Variants in NPAS3 observed in about 807,000 individuals in gnomAD.
NPAS3 encodes neuronal PAS domain protein 3.
In NPAS3, 14 loss-of-function variants were observed where a neutral mutation model predicts 73.1. The ratio of observed to expected loss-of-function variants is 0.19; its 90% CI spans 0.13 to 0.30. NPAS3 has a LOEUF of 0.30. Among genes scored for constraint, NPAS3 ranks in the 10% least tolerant of loss-of-function variants. The pLI, the probability that NPAS3 is intolerant of heterozygous loss-of-function variation, is 1.00. For synonymous variants in NPAS3, 620 were observed against 541.5 expected (o/e 1.14, Z -2.01); for missense variants, 1,096 against 1,250.0 (o/e 0.88, Z 1.86).
intron 5 of NPAS3, among the ~76,000 whole-genome samples, chr14:33,646,879 C>T (rs2058844295): frequency 6.6e-6 from 1 of 152,010 alleles, no homozygotes; most frequent in African/African-American, 2.4e-5. Flanking sequence ...GATCCAGAAA[C>T]TCCCCCAGAG....
In NPAS3 at chr14:33,560,319, T is replaced by G. The variant is rs1262976218; in HGVS notation, c.558+109T>G. The G allele has an allele frequency of 6.8e-6, 4 of 591,244 alleles. No homozygotes were observed. In the African/African-American group the frequency reaches 7.4e-5, roughly 11 times the overall value. 36.6% of individuals were successfully genotyped at this position (591,244 alleles called of 1,614,324 possible). The stretch of plus-strand genomic sequence containing the variant: ...GTTTAGCATGAATTATCAAATGTAT[T>G]ATTTAATGGCTTTACCTGACTGTTC... On this transcript the variant is annotated intron_variant, in intron 5 of 11. Coordinates refer to ENST00000356141, the Ensembl canonical transcript of NPAS3.
intron 2 of NPAS3, among the ~76,000 whole-genome samples, chr14:33,154,642 A>G (rs2044582266): frequency 6.6e-6 from 1 of 152,228 alleles, no homozygotes; most frequent in African/African-American, 2.4e-5. Flanking sequence ...GAGATAATAA[A>G]TACTGGGAAA....
chr14:33,651,321 G>A (rs946622548), intron 5 of NPAS3, among the ~76,000 whole-genome samples: 3 of 152,128 alleles, frequency 2.0e-5, no homozygotes, highest in Admixed American at 6.5e-5. Flanking sequence ...CTGGTACCCC[G>A]ATCATACATA....
chr14:33,753,394 A>C, intron 7 of NPAS3, among the ~76,000 whole-genome samples: 1 of 151,578 alleles, frequency 6.6e-6, no homozygotes. Context: ...ACAATGTAGA[A>C]GGATTGCTCA....
chr14:33,372,665 T>C (rs1243727858), intron 4 of NPAS3, among the ~76,000 whole-genome samples: 1 of 152,004 alleles, frequency 6.6e-6, no homozygotes, highest in Non-Finnish European at 1.5e-5. Flanking sequence ...TCCAGGAGAG[T>C]TGAGGGTTCA....
At chr14:32,947,433 C>G (rs137962233) in intron 1 of NPAS3, among the ~76,000 whole-genome samples, 8 of 152,122 alleles carry the variant, frequency 5.3e-5, no homozygotes, top group African/African-American at 1.9e-4. Flanking sequence ...ATGTATTGTG[C>G]TGATGGAAGG....
At position 33,232,122 on chromosome 14, in the gene NPAS3, G is replaced by A. The variant is rs539636553; in HGVS notation, c.385+16696G>A. 2.0e-5 allele frequency among the ~76,000 whole-genome samples: 3 copies of A among 152,250 alleles called. No homozygotes were observed. The South Asian group carries it at 6.2e-4, about 32-fold the overall frequency. ...ATTGAGTGACAGTAGCAAGAAGACA[G>A]TTGCTTAGATTGCGGATCCAGCTGA... On this transcript the variant is annotated intron_variant, in intron 3 of 11. Coordinates refer to ENST00000356141, the Ensembl canonical transcript of NPAS3.
chr14:32,994,630 G>GTTTTT (rs777136450), intron 1 of NPAS3, among the ~76,000 whole-genome samples: 3,446 of 122,296 alleles, frequency 0.028, 135 homozygotes, highest in South Asian at 0.052. Context: ...TTGTTTGTTT[G>GTTTTT]TTTTTGTTTT....
At chr14:33,782,433 G>A (rs762332318) in intron 9 of NPAS3, among the ~76,000 whole-genome samples, 2 of 152,178 alleles carry the variant, frequency 1.3e-5, no homozygotes, top group African/African-American at 2.4e-5. Context: ...AGAGATGCAT[G>A]CTTTGCACTG....
chr14:33,275,302 T>G (rs979024414), intron 3 of NPAS3, among the ~76,000 whole-genome samples: 2 of 152,132 alleles, frequency 1.3e-5, no homozygotes, highest in African/African-American at 4.8e-5. Context: ...CAGCCCAATT[T>G]TAACAGTGCT....
intron 3 of NPAS3, among the ~76,000 whole-genome samples, chr14:33,233,009 A>G (rs562034651): frequency 3.3e-5 from 5 of 152,280 alleles, no homozygotes; most frequent in Non-Finnish European, 4.4e-5. Context: ...AATCACTTAT[A>G]TGCTATGGAT....
intron 5 of NPAS3, among the ~76,000 whole-genome samples, chr14:33,664,932 T>G (rs1232286207): frequency 4.5e-4 from 69 of 152,284 alleles, no homozygotes; most frequent in African/African-American, 1.6e-3. Flanking sequence ...GTTCAACCAT[T>G]GTGGAAGACA....
At chr14:33,013,831 C>G (rs2039297285) in intron 1 of NPAS3, among the ~76,000 whole-genome samples, 1 of 151,980 alleles carries the variant, frequency 6.6e-6, no homozygotes, top group African/African-American at 2.4e-5. Flanking sequence ...GTGTCAGTTA[C>G]TAGATTTGTT....
intron 3 of NPAS3, among the ~76,000 whole-genome samples, chr14:33,365,130 A>G (rs1234424254): frequency 3.5e-5 from 5 of 143,024 alleles, no homozygotes; most frequent in African/African-American, 1.3e-4. Flanking sequence ...TCTCAAAAAC[A>G]GAGTGGACAC....
intron 1 of NPAS3, among the ~76,000 whole-genome samples, chr14:32,944,326 T>A (rs1201735042): frequency 2.0e-5 from 3 of 152,250 alleles, no homozygotes; most frequent in African/African-American, 7.2e-5. Context: ...AGGTGTTTTA[T>A]AGACGTGTCT....
At chr14:33,569,166 C>CA (rs1346101888) in intron 5 of NPAS3, among the ~76,000 whole-genome samples, 5 of 152,206 alleles carry the variant, frequency 3.3e-5, no homozygotes, top group African/African-American at 1.2e-4. Context: ...TCCTTTCAGG[C>CA]TCCTACAGCT....
chr14:33,177,437 G>C (rs1333112585), intron 2 of NPAS3, among the ~76,000 whole-genome samples: 2 of 151,436 alleles, frequency 1.3e-5, no homozygotes, highest in African/African-American at 4.9e-5. Flanking sequence ...TATGTGATTT[G>C]CAAATATTTT....
intron 4 of NPAS3, among the ~76,000 whole-genome samples, chr14:33,553,466 C>T (rs894324165): frequency 2.0e-5 from 3 of 152,260 alleles, no homozygotes; most frequent in South Asian, 2.1e-4. Flanking sequence ...GAAACCCTTA[C>T]GAAAGGTGTT....
chr14:33,455,633 A>G (rs1389491105), intron 4 of NPAS3, among the ~76,000 whole-genome samples: 2 of 152,202 alleles, frequency 1.3e-5, no homozygotes, highest in Non-Finnish European at 2.9e-5. Context: ...TGCAGCTATA[A>G]TCTTGTATGA....
Sources: gnomAD v4.1 joint callset for allele counts (sites outside exome capture counted in the v4.1 genomes callset) on GRCh38, gnomAD v4.1.1 for gene constraint, MANE v1.5 for transcripts, NCBI Gene and HGNC (gene_info 2026-07-23, HGNC 2026-07-21) for gene names.